The following DNAI4 variants were observed in gnomAD, a reference collection of about 807,000 sequenced individuals.
DNAI4 encodes the protein WD repeat domain 78.
DNAI4 carries 85 observed loss-of-function variants against 105.8 expected under a neutral mutation model. The ratio of observed to expected loss-of-function variants is 0.80; its 90% confidence interval spans 0.67 to 0.96. DNAI4 has a LOEUF of 0.96. Ranked by LOEUF, DNAI4 falls within the 40% of genes least tolerant of loss-of-function variation. The probability of loss-of-function intolerance (pLI) is 0.00; values close to 1 mark genes in which losing one functional copy is unlikely to be tolerated. For synonymous variants in DNAI4, 352 were observed against 331.5 expected (o/e 1.06, Z -0.67); for missense variants, 1,014 against 1,005.6 (o/e 1.01, Z -0.11).
At chr1:66,855,794 T>C (rs1444501853) in intron 7 of DNAI4, among the ~76,000 whole-genome samples, 5 of 152,162 alleles carry the variant, frequency 3.3e-5, no homozygotes, top group Non-Finnish European at 7.4e-5. Flanking sequence ...AATTAACAGA[T>C]CAACAGACAG....
chr1:66,896,441 T>C (rs1379604901), intron 2 of DNAI4, among the ~76,000 whole-genome samples: 1 of 152,200 alleles, frequency 6.6e-6, no homozygotes, highest in African/African-American at 2.4e-5. Context: ...AAGAAGAGAC[T>C]CTGTATCCAT....
At chr1:66,875,434 CTACTATAT>C (rs1646939991) in intron 4 of DNAI4, among the ~76,000 whole-genome samples, 1 of 152,102 alleles carries the variant, frequency 6.6e-6, no homozygotes, top group Non-Finnish European at 1.5e-5. Context: ...GGTAAAGACT[CTACTATAT>C]TAGTCCTGGT....
intron 7 of DNAI4, chr1:66,848,137 C>A (rs2100530852): frequency 2.2e-6 from 1 of 451,122 alleles, no homozygotes; most frequent in East Asian, 7.0e-5. Flanking sequence ...TGAGCTAAAA[C>A]CAAGAAGTTG....
intron 13 of DNAI4, among the ~76,000 whole-genome samples, chr1:66,829,975 AAAG>A (rs1254673145): frequency 1.3e-5 from 2 of 152,334 alleles, no homozygotes; most frequent in African/African-American, 4.8e-5. Flanking sequence ...CCCACCCATC[AAAG>A]AAGAAATCAA....
chr1:66,847,668 A>G lies in DNAI4; in HGVS notation c.1107T>C (p.Thr369=). ...CATTTTCTATGTCCATTAGAGAACT[A>G]GTTTCACTATCTACAAAATACAAAC... ...PGSTTEKNSE[T]SSLMDIENVI... is the part of the protein sequence containing the mutation. The change falls in exon 8 of 17, where the codon ACT becomes ACC. Residue 369 remains threonine, a synonymous_variant. Transcript: ENST00000371026. 1 of 1,602,430 alleles carries G rather than the reference A, an allele frequency of 6.2e-7. No homozygotes were observed. The highest frequency in any genetic ancestry group is 8.5e-7 in the Non-Finnish European group (1 of 1,174,128).
chr1:66,904,261 T>C (rs1205575209), intron 2 of DNAI4, among the ~76,000 whole-genome samples: 2 of 152,258 alleles, frequency 1.3e-5, no homozygotes, highest in Non-Finnish European at 2.9e-5. Context: ...CTGGATGATA[T>C]AGTAGGTATA....
intron 15 of DNAI4, among the ~76,000 whole-genome samples, chr1:66,823,009 T>C (rs1048873656): frequency 1.1e-4 from 16 of 152,228 alleles, no homozygotes; most frequent in Non-Finnish European, 1.5e-4. Context: ...CTGCACCCAC[T>C]AACTCGTCAT....
intron 8 of DNAI4, among the ~76,000 whole-genome samples, chr1:66,845,217 T>TTA (rs1343833186): frequency 1.3e-4 from 5 of 38,108 alleles, no homozygotes; most frequent in African/African-American, 5.1e-4. Flanking sequence ...AAAGAAAAAT[T>TTA]AAAAAAAAAA....
chr1:66,907,675 A>C (rs1649364776), intron 1 of DNAI4, among the ~76,000 whole-genome samples: 1 of 152,284 alleles, frequency 6.6e-6, no homozygotes, highest in South Asian at 2.1e-4. Flanking sequence ...TCTATCTCTA[A>C]TAGCTACTTC....
At chr1:66,841,396 C>G (rs1466428432) in intron 8 of DNAI4, among the ~76,000 whole-genome samples, 1 of 152,086 alleles carries the variant, frequency 6.6e-6, no homozygotes, top group African/African-American at 2.4e-5. Flanking sequence ...TAGCTATGCA[C>G]CAGGTACAAG....
chr1:66,820,815 T>G lies in DNAI4; in HGVS notation c.2496+1546A>C, dbSNP rs571136435. Among the ~76,000 whole-genome samples the G allele has an allele frequency of 3.3e-5, 5 of 152,088 alleles. No individual in the cohort carries two copies. In the East Asian group the frequency reaches 9.6e-4, roughly 29 times the overall value. On this transcript the variant is annotated intron_variant, in intron 16 of 16. Coordinates refer to ENST00000371026, the MANE Select transcript of DNAI4 (RefSeq NM_024763.5). ...AATGATAAGCATTTTATTATTTTAT[T>G]TATTTACTTATTTAACATTTGTAGT...
intron 8 of DNAI4, 114 bp downstream of exon 8, chr1:66,847,370 T>C: frequency 1.0e-6 from 1 of 982,070 alleles, no homozygotes; most frequent in South Asian, 1.6e-5. Flanking sequence ...CATAGCTTGC[T>C]ACAACCTTGA....
At chr1:66,871,615 G>C in intron 5 of DNAI4, 106 bp from the exon 6 acceptor site, 1 of 1,166,072 alleles carries the variant, frequency 8.6e-7, no homozygotes, top group Non-Finnish European at 1.2e-6. Flanking sequence ...AATGTGGCTT[G>C]CACCAAAAAG....
intron 8 of DNAI4, among the ~76,000 whole-genome samples, chr1:66,845,854 G>T (rs1033637815): frequency 3.3e-5 from 5 of 150,748 alleles, no homozygotes; most frequent in Admixed American, 3.3e-4. Flanking sequence ...GTGTGTGTGT[G>T]TGGTGGGGGT....
At chr1:66,871,844 A>C (rs1646853423) in intron 5 of DNAI4, among the ~76,000 whole-genome samples, 1 of 152,160 alleles carries the variant, frequency 6.6e-6, no homozygotes, top group Non-Finnish European at 1.5e-5. Context: ...GTGTTTTTGA[A>C]CTTCCAAATG....
chr1:66,826,929 A>G lies in DNAI4; in HGVS notation c.2230T>C (p.Tyr744His). ...TCGTAAACAACAGAAGTAGCTGGAT[A>G]AAAACTCAAAGATGGCTTGACATTC... ...QENVKPSLSF[Y>H]PATSVVYDVA... The change falls in exon 15 of 17, where the codon TAT becomes CAT. Residue 744 changes from tyrosine (Y) to histidine (H), a missense_variant. Tyr to His is a moderately conservative substitution (Grantham distance 83). Coordinates refer to ENST00000371026, the MANE Select transcript of DNAI4 (RefSeq NM_024763.5). The G allele has an allele frequency of 1.2e-6, 2 of 1,614,222 alleles. No individual in the cohort carries two copies. Among genetic ancestry groups the G allele is most frequent in the African/African-American group, 1.3e-5 (1 of 75,064 alleles).
In DNAI4 at chr1:66,924,728, G is replaced by GACTGGCA. The variant is rs1557997562; in HGVS notation, c.103_104insTGCCAGT (p.Thr35MetfsTer36). ...TGGCATGGTGGCGACCAGCTGGGGA[G>GACTGGCA]TGGTGCACCACCCCTTTTTTTGGCC... On this transcript the variant is annotated frameshift_variant, in exon 1 of 17. Coordinates refer to ENST00000371026, the MANE Select transcript of DNAI4 (RefSeq NM_024763.5). LOFTEE classifies it high-confidence loss of function. 1 of 1,614,222 alleles carries GACTGGCA rather than the reference G, an allele frequency of 6.2e-7. No homozygotes were observed. The highest frequency in any genetic ancestry group is 8.5e-7 in the Non-Finnish European group (1 of 1,180,036).
intron 1 of DNAI4, among the ~76,000 whole-genome samples, chr1:66,914,864 A>G (rs1649946160): frequency 1.3e-5 from 2 of 151,252 alleles, no homozygotes; most frequent in East Asian, 3.8e-4. Flanking sequence ...AAAGCACTTA[A>G]ATCAGGTACT....
chr1:66,846,886 T>C (rs1449580102), intron 8 of DNAI4, among the ~76,000 whole-genome samples: 5 of 152,208 alleles, frequency 3.3e-5, no homozygotes, highest in African/African-American at 1.2e-4. Context: ...TCTAAAATCC[T>C]TTAAAATATT....
Sources: allele counts gnomAD v4.1 joint callset (sites outside exome capture counted in the v4.1 genomes callset), GRCh38; gene constraint gnomAD v4.1.1; transcripts MANE v1.5; gene names NCBI Gene and HGNC (gene_info 2026-07-23, HGNC 2026-07-21).